The following SIPA1L1 variants were observed in gnomAD, a reference collection of about 807,000 sequenced individuals.
The protein encoded by SIPA1L1 is signal induced proliferation associated 1 like 1.
Under a neutral mutation model 162.7 loss-of-function variants are expected in SIPA1L1, and 26 were observed. The observed-to-expected ratio is 0.16, with a 90% CI of 0.12 to 0.22. SIPA1L1 has a LOEUF of 0.22. Among genes scored for constraint, SIPA1L1 ranks in the 10% least tolerant of loss-of-function variants. The pLI, the probability that SIPA1L1 is intolerant of heterozygous loss-of-function variation, is 1.00. For synonymous variants in SIPA1L1, 829 were observed against 837.4 expected, an observed-to-expected ratio of 0.99 and a Z score of 0.17; for missense variants, 1,874 against 2,241.0, an observed-to-expected ratio of 0.84 and a Z score of 3.31.
At chr14:71,420,918 C>T (rs540336293) in intron 2 of SIPA1L1, among the ~76,000 whole-genome samples, 1 of 152,268 alleles carries the variant, frequency 6.6e-6, no homozygotes, top group South Asian at 2.1e-4. Flanking sequence ...TCAAAATTGT[C>T]AGTTTACCGT....
chr14:71,600,068 T>C lies in SIPA1L1; in HGVS notation c.1498+10698T>C, dbSNP rs2147978531. ...TTTACCCCATTAAACTCATGGTTTC[T>C]TCACTCTTTTGATTCTTTCTTATGC... On this transcript the variant is annotated intron_variant, in intron 5 of 23. Coordinates refer to ENST00000381232, the MANE Select transcript of SIPA1L1 (RefSeq NM_001386936.1). Among the ~76,000 whole-genome samples the C allele has an allele frequency of 3.9e-5, 6 of 152,362 alleles. No individual in the cohort carries two copies. The Middle Eastern group carries it at 0.017, about 432-fold the overall frequency.
chr14:71,554,508 C>T (rs1411778940), intron 4 of SIPA1L1, among the ~76,000 whole-genome samples: 1 of 152,102 alleles, frequency 6.6e-6, no homozygotes, highest in African/African-American at 2.4e-5. Context: ...CAGTTCTGCC[C>T]CACTGTGAAA....
chr14:71,551,066 C>T (rs1421759123), intron 4 of SIPA1L1, among the ~76,000 whole-genome samples: 1 of 152,152 alleles, frequency 6.6e-6, no homozygotes, highest in Non-Finnish European at 1.5e-5. Context: ...CTGCCTGGAA[C>T]ATTCATGCCT....
chr14:71,546,397 A>G (rs1243631808), intron 4 of SIPA1L1, among the ~76,000 whole-genome samples: 6 of 88,742 alleles, frequency 6.8e-5, no homozygotes, highest in Admixed American at 3.1e-4. Flanking sequence ...TTTTTTTGAG[A>G]TGGAGTCTCG....
intron 4 of SIPA1L1, among the ~76,000 whole-genome samples, chr14:71,544,329 T>C (rs182046349): frequency 4.0e-5 from 6 of 151,826 alleles, no homozygotes; most frequent in Admixed American, 3.3e-4. Flanking sequence ...TGTATATACA[T>C]ATATCATGTG....
intron 2 of SIPA1L1, among the ~76,000 whole-genome samples, chr14:71,362,731 CCTGTAGTGTTGA>C (rs2037928316): frequency 6.6e-6 from 1 of 152,038 alleles, no homozygotes. Context: ...ATTAAAATAT[CCTGTAGTGTTGA>C]CTGTAGTCTA....
chr14:71,492,173 G>T (rs765952628), intron 2 of SIPA1L1, among the ~76,000 whole-genome samples: 2 of 152,142 alleles, frequency 1.3e-5, no homozygotes, highest in Non-Finnish European at 2.9e-5. Flanking sequence ...TCAGTTTTTC[G>T]TGCTAGCAGC....
intron 2 of SIPA1L1, among the ~76,000 whole-genome samples, chr14:71,372,985 C>G (rs553750746): frequency 6.6e-6 from 1 of 152,202 alleles, no homozygotes; most frequent in East Asian, 1.9e-4. Flanking sequence ...CAGATAATCT[C>G]CTAACAAACA....
At chr14:71,601,737 T>G (rs1419519939) in intron 5 of SIPA1L1, among the ~76,000 whole-genome samples, 1 of 152,162 alleles carries the variant, frequency 6.6e-6, no homozygotes, top group East Asian at 1.9e-4. Flanking sequence ...ATTGGGAGAC[T>G]TTTTATTACT....
intron 2 of SIPA1L1, among the ~76,000 whole-genome samples, chr14:71,382,355 T>C (rs1330509631): frequency 6.6e-6 from 1 of 152,206 alleles, no homozygotes; most frequent in Non-Finnish European, 1.5e-5. Flanking sequence ...AGAAAACATA[T>C]CCGGATGAAA....
intron 2 of SIPA1L1, among the ~76,000 whole-genome samples, chr14:71,436,955 G>A (rs2044433697): frequency 6.6e-6 from 1 of 151,570 alleles, no homozygotes; most frequent in African/African-American, 2.4e-5. Context: ...TAGTAGAGAC[G>A]GGGTTTCACC....
intron 4 of SIPA1L1, among the ~76,000 whole-genome samples, chr14:71,543,033 T>C (rs944196454): frequency 6.6e-6 from 1 of 152,088 alleles, no homozygotes; most frequent in Non-Finnish European, 1.5e-5. Context: ...TCATTGCACT[T>C]ACTCCTCCTT....
intron 3 of SIPA1L1, among the ~76,000 whole-genome samples, chr14:71,519,925 A>G (rs2052138811): frequency 6.6e-6 from 1 of 152,146 alleles, no homozygotes; most frequent in South Asian, 2.1e-4. Flanking sequence ...GAATAAATTG[A>G]TGAATAACAT....
chr14:71,361,456 T>G (rs2037808305), intron 2 of SIPA1L1, among the ~76,000 whole-genome samples: 1 of 152,190 alleles, frequency 6.6e-6, no homozygotes, highest in Admixed American at 6.5e-5. Context: ...ATTTCACATT[T>G]CAGTGGCTCC....
chr14:71,694,163 G>A (rs962572217), intron 13 of SIPA1L1, among the ~76,000 whole-genome samples: 15 of 152,168 alleles, frequency 9.9e-5, no homozygotes, highest in South Asian at 2.1e-4. Context: ...TATATATGTC[G>A]TCCTGTGAGT....
intron 5 of SIPA1L1, among the ~76,000 whole-genome samples, chr14:71,606,547 G>A (rs2037528230): frequency 6.6e-6 from 1 of 152,082 alleles, no homozygotes; most frequent in African/African-American, 2.4e-5. Flanking sequence ...CCAATTGTGG[G>A]CTTCGTCCTG....
chr14:71,477,943 A>C (rs530501914), intron 2 of SIPA1L1, among the ~76,000 whole-genome samples: 104 of 152,222 alleles, frequency 6.8e-4, no homozygotes, highest in Non-Finnish European at 1.2e-3. Context: ...ATTATTTTCC[A>C]GAGTATTTGT....
chr14:71,522,340 G>T (rs2052441552), intron 3 of SIPA1L1, among the ~76,000 whole-genome samples: 1 of 152,126 alleles, frequency 6.6e-6, no homozygotes, highest in African/African-American at 2.4e-5. Flanking sequence ...GGCCTTTCTG[G>T]ATTCAAGGAT....
At chr14:71,520,596 T>C (rs1158587200) in intron 3 of SIPA1L1, among the ~76,000 whole-genome samples, 1 of 152,202 alleles carries the variant, frequency 6.6e-6, no homozygotes, top group Non-Finnish European at 1.5e-5. Flanking sequence ...TGTTGAACTT[T>C]CTGTAAACGG....
Sources: allele counts gnomAD v4.1 joint callset (sites outside exome capture counted in the v4.1 genomes callset), GRCh38; gene constraint gnomAD v4.1.1; transcripts MANE v1.5; gene names NCBI Gene and HGNC (gene_info 2026-07-23, HGNC 2026-07-21).